The following DISP3 variants were observed in gnomAD, a reference collection of about 807,000 sequenced individuals.
DISP3 encodes the protein protein dispatched homolog 3.
DISP3 carries 101 observed loss-of-function variants against 135.3 expected under a neutral mutation model. That is an observed-to-expected ratio of 0.75 (90% CI 0.64 to 0.88). The LOEUF is 0.88. DISP3 is among the 40% of genes least tolerant of loss of function. The pLI, the probability that DISP3 is intolerant of heterozygous loss-of-function variation, is 0.00. For synonymous variants in DISP3, 856 were observed against 817.0 expected, an observed-to-expected ratio of 1.05 and a Z score of -0.81; for missense variants, 1,713 against 1,878.6, an observed-to-expected ratio of 0.91 and a Z score of 1.63.
chr1:11,515,336 C>A (rs369892743), intron 4 of DISP3, 33 bp from the exon 5 acceptor site: 19 of 1,613,366 alleles, frequency 1.2e-5, no homozygotes, highest in Non-Finnish European at 1.6e-5. Context: ...GAGGGTCCCC[C>A]CACCGTCTCC....
intron 1 of DISP3, among the ~76,000 whole-genome samples, chr1:11,490,920 C>T (rs1641165800): frequency 6.6e-6 from 1 of 152,210 alleles, no homozygotes; most frequent in Non-Finnish European, 1.5e-5. Context: ...CACCTAGTCC[C>T]CTTTTAAGGG....
At chr1:11,518,485 G>T (rs148288032) in intron 7 of DISP3, among the ~76,000 whole-genome samples, 2 of 152,224 alleles carry the variant, frequency 1.3e-5, no homozygotes, top group Non-Finnish European at 2.9e-5. Context: ...ACTGTTTTCC[G>T]TGACAGTTTC....
intron 17 of DISP3, among the ~76,000 whole-genome samples, chr1:11,533,192 G>C (rs1642616899): frequency 6.7e-6 from 1 of 149,158 alleles, no homozygotes; most frequent in African/African-American, 2.5e-5. Context: ...CCATGAATTT[G>C]ACAACTCTGG....
Position 11,520,885 on chromosome 1 carries a change from G to A in DISP3, c.2362+37G>A. The A allele has an allele frequency of 6.5e-7, 1 of 1,548,116 alleles. No individual in the cohort carries two copies. On this transcript the variant is annotated intron_variant, in intron 10 of 20. Transcript: ENST00000294484. The surrounding 1 kb of genome is among the most constrained non-coding windows in gnomAD (Gnocchi z 4.8). ...AGCCAGGCTGTCCCTGGCCCGCTCAGGTGTCCGGGTCCCAAAGACTGTTGG... is the reference window on the plus strand; with the variant it reads ...AGCCAGGCTGTCCCTGGCCCGCTCAAGTGTCCGGGTCCCAAAGACTGTTGG...
chr1:11,513,023 C>T (rs1248098128), intron 3 of DISP3, among the ~76,000 whole-genome samples: 1 of 152,086 alleles, frequency 6.6e-6, no homozygotes, highest in African/African-American at 2.4e-5. Flanking sequence ...CAATTACCTC[C>T]CCCTGGGTCC....
Position 11,536,634 on chromosome 1 carries a change from T to A in DISP3, c.4127T>A (p.Val1376Glu). The A allele has an allele frequency of 6.2e-7, 1 of 1,604,324 alleles. No individual in the cohort carries two copies. Among genetic ancestry groups the A allele is most frequent in the Non-Finnish European group, 8.5e-7 (1 of 1,176,706 alleles). ...AGALGLGACL[V>E]LLQSGYKIPL... ...GCCCTGGGGCTGGGTGCCTGCCTCG[T>A]GCTCCTGCAGAGCGGCTATAAGATT... The change falls in exon 21 of 21, where the codon GTG becomes GAG. Residue 1376 changes from valine to glutamate, a missense_variant. Physicochemically the swap from Val to Glu is moderately radical, Grantham distance 121. Coordinates refer to ENST00000294484, the MANE Select transcript of DISP3 (RefSeq NM_020780.2). The surrounding 1 kb of genome is among the most constrained non-coding windows in gnomAD (Gnocchi z 4.3).
At chr1:11,535,702 G>A (rs898202503) in intron 20 of DISP3, 58 bp downstream of exon 20, 1 of 1,559,804 alleles carries the variant, frequency 6.4e-7, no homozygotes, top group African/African-American at 1.3e-5. Flanking sequence ...TCCCACCTGG[G>A]TGCAGCTGAG....
At chr1:11,535,212 C>A in intron 19 of DISP3, 88 bp downstream of exon 19, 1 of 1,268,872 alleles carries the variant, frequency 7.9e-7, no homozygotes, top group Non-Finnish European at 1.1e-6. Context: ...CTCCAGGCCT[C>A]TGAACCTTTC....
chr1:11,484,591 G>T (rs1640986259), intron 1 of DISP3, among the ~76,000 whole-genome samples: 1 of 152,148 alleles, frequency 6.6e-6, no homozygotes, highest in African/African-American at 2.4e-5. Context: ...TGCTGGAGAG[G>T]GTCTCGTCTG....
At chr1:11,503,955 A>C (rs1424532828) in intron 3 of DISP3, among the ~76,000 whole-genome samples, 9 of 152,246 alleles carry the variant, frequency 5.9e-5, no homozygotes, top group African/African-American at 2.2e-4. Flanking sequence ...CCAGGAGTAC[A>C]ACTGGGTCCC....
rs1642702337 is a variant in DISP3 at position 11,536,232 on chromosome 1, C to T, written c.3817-92C>T. 1.3e-6 allele frequency: 2 copies of T among 1,483,708 alleles called. No individual in the cohort carries two copies. The highest frequency in any genetic ancestry group is 1.4e-5 in the African/African-American group (1 of 71,344). 91.9% of individuals were successfully genotyped at this position (1,483,708 alleles called of 1,614,324 possible). A position where few individuals can be genotyped will look rare whatever the true frequency, so the allele number is the denominator to read the frequency against. On this transcript the variant is annotated intron_variant, in intron 20 of 20. Transcript: ENST00000294484. This position sits in a 1 kb window ranked among gnomAD's most constrained non-coding sequence, Gnocchi z 4.3. ...TCTCATCCCAGTAACAGAGCAGGAA[C>T]CTGGCGTGGGGTGGGGGTGCGTGAT... is the stretch of plus-strand genomic sequence containing the variant.
At chr1:11,487,607 A>G (rs1424012653) in intron 1 of DISP3, among the ~76,000 whole-genome samples, 1 of 151,998 alleles carries the variant, frequency 6.6e-6, no homozygotes, top group African/African-American at 2.4e-5. Flanking sequence ...CTGCAGACCT[A>G]CTCTCAGAGC....
chr1:11,513,985 A>G (rs1406308427), intron 3 of DISP3, among the ~76,000 whole-genome samples: 8 of 151,902 alleles, frequency 5.3e-5, no homozygotes, highest in Admixed American at 5.2e-4. Context: ...ACTTGTGTTA[A>G]GGACACATTG....
intron 12 of DISP3, 126 bp from the exon 13 acceptor site, chr1:11,526,499 TCCCAAGCCTCTGCCCAGGGCTCTGTC>T: frequency 2.4e-6 from 2 of 848,854 alleles, no homozygotes; most frequent in Non-Finnish European, 3.8e-6. Context: ...AACCCAGGCC[TCCCAAGCCTCTGCCCAGGGCTCTGTC>T]CCCAACTCCG....
At position 11,520,541 on chromosome 1, in the gene DISP3, CG is replaced by C; in HGVS notation, c.2201-143del. 1 of 827,474 alleles carries C rather than the reference CG, an allele frequency of 1.2e-6. No individual in the cohort carries two copies. The highest frequency in any genetic ancestry group is 1.9e-5 in the South Asian group (1 of 51,884). The allele number at this position is 827,474 out of a possible 1,614,324, so 51.3% of individuals were successfully genotyped here. Reference sequence around the variant, plus strand: ...GACCATCCCCAGCAAGCTTTGCCCACGGGCTGGCATGCAGGGCCTTCCCCCG... The same window carrying C: ...GACCATCCCCAGCAAGCTTTGCCCACGGCTGGCATGCAGGGCCTTCCCCCG... On this transcript the variant is annotated intron_variant, in intron 9 of 20. Transcript: ENST00000294484. The surrounding 1 kb of genome is among the most constrained non-coding windows in gnomAD (Gnocchi z 4.8).
At chr1:11,515,860 C>T (rs1267145332) in intron 5 of DISP3, 141 bp from the exon 6 acceptor site, 2 of 1,026,832 alleles carry the variant, frequency 1.9e-6, no homozygotes, top group Non-Finnish European at 2.8e-6. Flanking sequence ...AGAGGGGTCT[C>T]TCCAAACTGT....
In DISP3 at chr1:11,536,665, G is replaced by C. The variant is rs1467395661; in HGVS notation, c.4158G>C (p.Leu1386=). The C allele has an allele frequency of 1.3e-6, 2 of 1,577,720 alleles. No homozygotes were observed. Among genetic ancestry groups the C allele is most frequent in the Admixed American group, 3.6e-5 (2 of 55,170 alleles). Reference sequence around the variant, plus strand: ...TGCAGAGCGGCTATAAGATTCCCCTGCCCGCAGGGGCCTCCCTATAGCCCG... The same window carrying C: ...TGCAGAGCGGCTATAAGATTCCCCTCCCCGCAGGGGCCTCCCTATAGCCCG... The part of the protein sequence containing the change: ...VLLQSGYKIP[L]PAGASL The change falls in exon 21 of 21, where the codon CTG becomes CTC. Residue 1386 remains leucine (L), a synonymous_variant. Transcript: ENST00000294484. This position sits in a 1 kb window ranked among gnomAD's most constrained non-coding sequence, Gnocchi z 4.3.
intron 10 of DISP3, among the ~76,000 whole-genome samples, chr1:11,522,755 GCCAGGACCCAGCCAGGA>G (rs1642263785): frequency 2.9e-5 from 4 of 139,732 alleles, no homozygotes; most frequent in African/African-American, 1.1e-4. Flanking sequence ...CCAGGACCCA[GCCAGGACCCAGCCAGGA>G]CCCAGCCAGG....
rs765707672 is a variant in DISP3 at position 11,518,322 on chromosome 1, C to T, written c.1889+720C>T. Reference sequence around the variant, plus strand: ...GGGCTGGAGGGAGAGAAGGGCCCAGCGAGGAGCTTAGACTTGGGCCTGAGA... The same window carrying T: ...GGGCTGGAGGGAGAGAAGGGCCCAGTGAGGAGCTTAGACTTGGGCCTGAGA... On this transcript the variant is annotated intron_variant, in intron 7 of 20. Coordinates refer to ENST00000294484, the MANE Select transcript of DISP3 (RefSeq NM_020780.2). 1.5e-3 allele frequency among the ~76,000 whole-genome samples: 224 copies of T among 152,322 alleles called. 2 individuals are homozygous for T. Among genetic ancestry groups the T allele is most frequent in the Non-Finnish European group, 2.5e-3 (171 of 68,030 alleles).
Sources: allele counts gnomAD v4.1 joint callset (sites outside exome capture counted in the v4.1 genomes callset), GRCh38; gene constraint gnomAD v4.1.1; non-coding constraint Gnocchi (gnomAD v3.1); transcripts MANE v1.5; gene names NCBI Gene and HGNC (gene_info 2026-07-23, HGNC 2026-07-21).